The following DGCR2 variants were observed in gnomAD, a reference collection of about 807,000 sequenced individuals.
DGCR2 encodes the protein integral membrane protein DGCR2/IDD.
Under a neutral mutation model 51.6 loss-of-function variants are expected in DGCR2, and 24 were observed. That is an observed-to-expected ratio of 0.47 (90% CI 0.34 to 0.65). The LOEUF (loss-of-function observed/expected upper bound fraction) is 0.65. Ranked by LOEUF, DGCR2 falls within the 30% of genes least tolerant of loss-of-function variation. The pLI, the probability that DGCR2 is intolerant of heterozygous loss-of-function variation, is 0.01. For missense variants in DGCR2, 765 were observed against 772.1 expected, an observed-to-expected ratio of 0.99 and a Z score of 0.11; for synonymous variants, 340 against 315.4, an observed-to-expected ratio of 1.08 and a Z score of -0.82.
At chr22:19,046,812 G>C (rs1051842324) in intron 7 of DGCR2, 1 of 395,348 alleles carries the variant, frequency 2.5e-6, no homozygotes, top group Non-Finnish European at 5.3e-6. Flanking sequence ...TGCACTAAGG[G>C]CCCTGCTCTG....
At chr22:19,064,786 C>G in intron 4 of DGCR2, 62 bp downstream of exon 4, 1 of 1,498,260 alleles carries the variant, frequency 6.7e-7, no homozygotes. Context: ...GGTCAGAGGC[C>G]ATGTGCTCAG....
At chr22:19,102,579 G>C (rs1443054629) in intron 1 of DGCR2, among the ~76,000 whole-genome samples, 1 of 152,130 alleles carries the variant, frequency 6.6e-6, no homozygotes, top group Non-Finnish European at 1.5e-5. Context: ...GCGGGCACCT[G>C]TAGTCCCAGC....
At chr22:19,113,176 C>T (rs571650833) in intron 1 of DGCR2, among the ~76,000 whole-genome samples, 3 of 152,218 alleles carry the variant, frequency 2.0e-5, no homozygotes, top group Admixed American at 6.5e-5. Context: ...TCGAGACCAT[C>T]CTGGCCAACA....
chr22:19,117,622 C>T (rs1286487254), intron 1 of DGCR2, among the ~76,000 whole-genome samples: 2 of 152,142 alleles, frequency 1.3e-5, no homozygotes, highest in Admixed American at 6.5e-5. Flanking sequence ...CAGATATGCA[C>T]ATACACATGG....
chr22:19,066,840 G>A (rs1354401614), intron 3 of DGCR2, among the ~76,000 whole-genome samples: 1 of 152,214 alleles, frequency 6.6e-6, no homozygotes, highest in Non-Finnish European at 1.5e-5. Context: ...CAAGGGGAAG[G>A]AAGAACATGG....
intron 1 of DGCR2, among the ~76,000 whole-genome samples, chr22:19,091,018 A>C (rs1286534353): frequency 6.3e-3 from 1 of 158 alleles, no homozygotes; most frequent in Non-Finnish European, 0.013. Flanking sequence ...AGAGAAAATA[A>C]AAGAATAAAA....
intron 1 of DGCR2, among the ~76,000 whole-genome samples, chr22:19,120,556 A>T (rs930500238): frequency 1.7e-4 from 26 of 152,174 alleles, no homozygotes; most frequent in Non-Finnish European, 1.8e-4. Flanking sequence ...CTATGTGAAA[A>T]GGCTGGCAAG....
At chr22:19,085,956 G>C (rs1215864955) in intron 2 of DGCR2, among the ~76,000 whole-genome samples, 3 of 152,112 alleles carry the variant, frequency 2.0e-5, no homozygotes, top group Admixed American at 6.6e-5. Context: ...CAAACACAAA[G>C]AGTTTCCTTT....
At chr22:19,085,892 A>G (rs2083009379) in intron 2 of DGCR2, among the ~76,000 whole-genome samples, 1 of 152,132 alleles carries the variant, frequency 6.6e-6, no homozygotes, top group Non-Finnish European at 1.5e-5. Flanking sequence ...CATACAAAGG[A>G]AGGTCACAGC....
intron 2 of DGCR2, among the ~76,000 whole-genome samples, chr22:19,080,662 C>A (rs1391467980): frequency 6.6e-6 from 1 of 152,134 alleles, no homozygotes; most frequent in Non-Finnish European, 1.5e-5. Context: ...AGGGCGAGAC[C>A]TCGTCTCTAC....
chr22:19,084,674 T>G (rs1274233403), intron 2 of DGCR2, among the ~76,000 whole-genome samples: 1 of 92,908 alleles, frequency 1.1e-5, no homozygotes, highest in African/African-American at 4.1e-5. Flanking sequence ...GAGGTGGGGG[T>G]CAGCCCCCGC....
intron 2 of DGCR2, among the ~76,000 whole-genome samples, chr22:19,078,607 A>G (rs932826505): frequency 2.0e-5 from 3 of 152,198 alleles, no homozygotes; most frequent in South Asian, 4.1e-4. Context: ...ACTATGGTGA[A>G]TAAGTGGTGA....
At chr22:19,048,690 G>A in intron 6 of DGCR2, 47 bp from the exon 7 acceptor site, 2 of 1,594,972 alleles carry the variant, frequency 1.3e-6, no homozygotes, top group Non-Finnish European at 8.6e-7. Context: ...TGCCAAAAAA[G>A]GTAGCCTCCC....
At chr22:19,110,127 C>G (rs1200340977) in intron 1 of DGCR2, among the ~76,000 whole-genome samples, 2 of 152,226 alleles carry the variant, frequency 1.3e-5, no homozygotes, top group South Asian at 2.1e-4. Flanking sequence ...ATTTCCTGCT[C>G]TTATTTCAAA....
intron 7 of DGCR2, among the ~76,000 whole-genome samples, chr22:19,042,722 G>A (rs1410128234): frequency 6.6e-6 from 1 of 152,184 alleles, no homozygotes; most frequent in Non-Finnish European, 1.5e-5. Flanking sequence ...AGAAGTGACA[G>A]TATAAGGTAC....
chr22:19,068,639 TGAA>T (rs2082778188), intron 2 of DGCR2, among the ~76,000 whole-genome samples: 1 of 152,202 alleles, frequency 6.6e-6, no homozygotes, highest in African/African-American at 2.4e-5. Context: ...TCTCCCAGTA[TGAA>T]GGAGACCCAC....
intron 1 of DGCR2, among the ~76,000 whole-genome samples, chr22:19,093,645 T>A (rs965063313): frequency 2.6e-5 from 4 of 152,198 alleles, no homozygotes; most frequent in African/African-American, 9.6e-5. Context: ...AAGGGCTTGC[T>A]TGTAACCAGA....
intron 1 of DGCR2, among the ~76,000 whole-genome samples, chr22:19,105,058 C>T (rs1262891002): frequency 2.6e-5 from 4 of 152,196 alleles, no homozygotes; most frequent in African/African-American, 4.8e-5. Flanking sequence ...CACGGTGGCT[C>T]ATGCCTGTAA....
intron 3 of DGCR2, among the ~76,000 whole-genome samples, chr22:19,066,571 G>A (rs1002759929): frequency 2.0e-5 from 3 of 152,308 alleles, no homozygotes; most frequent in Non-Finnish European, 2.9e-5. Flanking sequence ...GCTCTGCACC[G>A]TCTCCATGAA....
Sources: allele counts gnomAD v4.1 joint callset (sites outside exome capture counted in the v4.1 genomes callset), GRCh38; gene constraint gnomAD v4.1.1; transcripts MANE v1.5; gene names NCBI Gene and HGNC (gene_info 2026-07-23, HGNC 2026-07-21).